The following SERPINB11 variants were observed in gnomAD, a reference collection of about 807,000 sequenced individuals.
SERPINB11 encodes serpin B11.
In SERPINB11, 32 loss-of-function variants were observed where a neutral mutation model predicts 36.7. The ratio of observed to expected loss-of-function variants is 0.87; its 90% CI spans 0.66 to 1.17. The LOEUF (loss-of-function observed/expected upper bound fraction) is 1.17, where lower values mean the gene tolerates loss of function less well. SERPINB11 is among the 50% of genes most tolerant of loss of function. SERPINB11 has a pLI of 0.00. For synonymous variants in SERPINB11, 174 were observed against 168.1 expected, an observed-to-expected ratio of 1.04 and a Z score of -0.27; for missense variants, 528 against 458.4, an observed-to-expected ratio of 1.15 and a Z score of -1.39.
In SERPINB11 at chr18:63,716,019, A is replaced by G. The variant is rs1348601186; in HGVS notation, c.358-16A>G. On this transcript the variant is annotated splice_polypyrimidine_tract_variant and intron_variant, in intron 4 of 7. Transcript: ENST00000544088. ...ACTGCTTTTGAATTGTTGTTCAATT[A>G]TCATGTCTTTCATAGCAATATTTAA... 2.6e-6 allele frequency: 4 copies of G among 1,520,124 alleles called. No homozygotes were observed. The highest frequency in any genetic ancestry group is 3.6e-6 in the Non-Finnish European group (4 of 1,100,614). 94.2% of individuals were successfully genotyped at this position (1,520,124 alleles called of 1,614,324 possible).
At chr18:63,717,229 A>G in intron 5 of SERPINB11, among the ~76,000 whole-genome samples, 1 of 152,060 alleles carries the variant, frequency 6.6e-6, no homozygotes, top group Non-Finnish European at 1.5e-5. Context: ...TTTTATTAAT[A>G]TACATTTCAT....
rs146209438 is a variant in SERPINB11, at chr18:63,723,441, C to G, written c.*42C>G. 6.5e-7 allele frequency: 1 copy of G among 1,531,180 alleles called. No individual in the cohort carries two copies. The highest frequency in any genetic ancestry group is 2.3e-5 in the East Asian group (1 of 44,088). The allele number at this position is 1,531,180 out of a possible 1,614,324, so 94.8% of individuals were successfully genotyped here. A position where few individuals can be genotyped will look rare whatever the true frequency, so the allele number is the denominator to read the frequency against. On this transcript the variant is annotated 3_prime_UTR_variant, in exon 8 of 8. Coordinates refer to ENST00000544088, the MANE Select transcript of SERPINB11 (RefSeq NM_001370475.1). ...AAGGCTCAGAGTTGCAGATGAGGTG[C>G]AGAGACAATCCTGTGACTTTCCCAC...
rs1336174729 is a variant in SERPINB11 at position 63,722,965 on chromosome 18, ATGTGGGCTTGTC to A, written c.775-25_775-14del. ...AATGTAGAGGTCGTGTGTTTGACTC[ATGTGGGCTTGTC>A]TGTGTTTTGTCTCTTAGATAGAAAA... On this transcript the variant is annotated intron_variant, in intron 7 of 7. Transcript: ENST00000544088. The A allele has an allele frequency of 6.5e-7, 1 of 1,529,188 alleles. No homozygotes were observed. The highest frequency in any genetic ancestry group is 2.3e-5 in the East Asian group (1 of 44,006). 94.7% of individuals were successfully genotyped at this position (1,529,188 alleles called of 1,614,324 possible). A position where few individuals can be genotyped will look rare whatever the true frequency, so the allele number is the denominator to read the frequency against.
chr18:63,707,211 AGGGAGT>A (rs1413400073), intron 1 of SERPINB11, among the ~76,000 whole-genome samples: 2 of 152,340 alleles, frequency 1.3e-5, no homozygotes, highest in East Asian at 3.9e-4. Context: ...GCCCAAAACA[AGGGAGT>A]GAAAGGGAAG....
chr18:63,720,009 C>A lies in SERPINB11; in HGVS notation c.476-4C>A. ...AAATATAATTATCTTATTTTTTATA[C>A]AAGGAAAAGTCGCAAATCTCTTTGG... is the stretch of plus-strand genomic sequence containing the variant. On this transcript the variant is annotated splice_region_variant and splice_polypyrimidine_tract_variant and intron_variant, in intron 5 of 7. Transcript: ENST00000544088. 1 of 1,589,096 alleles carries A rather than the reference C, an allele frequency of 6.3e-7. No individual in the cohort carries two copies. The highest frequency in any genetic ancestry group is 1.2e-5 in the South Asian group (1 of 86,420).
rs1308002164 is a variant in SERPINB11 at position 63,723,515 on chromosome 18, C to T, written c.*116C>T. 2 of 918,382 alleles carry T rather than the reference C, an allele frequency of 2.2e-6. No individual in the cohort carries two copies. The highest frequency in any genetic ancestry group is 3.3e-6 in the Non-Finnish European group (2 of 607,688). 56.9% of individuals were successfully genotyped at this position (918,382 alleles called of 1,614,324 possible). A position where few individuals can be genotyped will look rare whatever the true frequency, so the allele number is the denominator to read the frequency against. On this transcript the variant is annotated 3_prime_UTR_variant, in exon 8 of 8. Coordinates refer to ENST00000544088, the MANE Select transcript of SERPINB11 (RefSeq NM_001370475.1). ...ACACACCTCTGTGCCTCAGTTTGCTCATCTGCAAAATAGGTCTAGGATTTC... is the reference window on the plus strand; with the variant it reads ...ACACACCTCTGTGCCTCAGTTTGCTTATCTGCAAAATAGGTCTAGGATTTC...
intron 6 of SERPINB11, chr18:63,720,393 T>G: frequency 2.0e-6 from 1 of 493,234 alleles, no homozygotes; most frequent in South Asian, 2.4e-5. Context: ...AGAAAACCCA[T>G]TCTTTTCTTA....
chr18:63,710,460 C>T (rs1914493662), intron 2 of SERPINB11, 99 bp downstream of exon 2: 1 of 960,402 alleles, frequency 1.0e-6, no homozygotes, highest in Non-Finnish European at 1.5e-6. Context: ...AATAAAATTG[C>T]CATCTTGAGA....
At chr18:63,720,657 TAA>T (rs1273336815) in intron 6 of SERPINB11, 172 bp from the exon 7 acceptor site, 5 of 548,128 alleles carry the variant, frequency 9.1e-6, no homozygotes, top group African/African-American at 5.8e-5. Flanking sequence ...TATTTTAAAT[TAA>T]AAAAATGGAT....
chr18:63,710,378 A>G lies in SERPINB11; in HGVS notation c.168+17A>G. The G allele has an allele frequency of 6.3e-7, 1 of 1,599,824 alleles. No homozygotes were observed. Among genetic ancestry groups the G allele is most frequent in the Non-Finnish European group, 8.5e-7 (1 of 1,173,502 alleles). On this transcript the variant is annotated intron_variant, in intron 2 of 7. Transcript: ENST00000544088. ...TTGGAGAAGGTATGGAATTCCTCAG[A>G]GGTTTGTTCAGAACCCAGAAGTCTT...
At chr18:63,710,426 C>T in intron 2 of SERPINB11, 65 bp downstream of exon 2, 2 of 1,333,900 alleles carry the variant, frequency 1.5e-6, no homozygotes, top group Non-Finnish European at 2.0e-6. Context: ...TCTGGGTCAG[C>T]AAAATTAATT....
At chr18:63,714,726 C>T (rs976134576) in intron 4 of SERPINB11, among the ~76,000 whole-genome samples, 3 of 152,140 alleles carry the variant, frequency 2.0e-5, no homozygotes, top group African/African-American at 7.2e-5. Context: ...CGCTGTTATC[C>T]TGTTCTTTTT....
intron 1 of SERPINB11, among the ~76,000 whole-genome samples, chr18:63,708,436 A>G (rs931097441): frequency 9.9e-5 from 15 of 152,198 alleles, no homozygotes; most frequent in African/African-American, 3.4e-4. Flanking sequence ...CAGATGGGGA[A>G]TATTTCCAAA....
intron 6 of SERPINB11, 107 bp from the exon 7 acceptor site, chr18:63,720,724 A>G (rs1288456412): frequency 6.8e-6 from 5 of 733,584 alleles, no homozygotes; most frequent in Non-Finnish European, 1.1e-5. Context: ...TATTTTACCC[A>G]TGCCTTTAGA....
intron 1 of SERPINB11, among the ~76,000 whole-genome samples, chr18:63,704,875 C>A (rs961449654): frequency 2.6e-5 from 4 of 152,134 alleles, no homozygotes; most frequent in African/African-American, 9.7e-5. Context: ...TGCTGATATT[C>A]ATCATGGCAC....
At chr18:63,710,737 T>C (rs1241122425) in intron 2 of SERPINB11, among the ~76,000 whole-genome samples, 2 of 152,224 alleles carry the variant, frequency 1.3e-5, no homozygotes, top group Non-Finnish European at 2.9e-5. Context: ...GTTAAAAAAT[T>C]TTCATGATTA....
chr18:63,706,052 T>C (rs1914364075), intron 1 of SERPINB11, among the ~76,000 whole-genome samples: 1 of 152,228 alleles, frequency 6.6e-6, no homozygotes, highest in Admixed American at 6.5e-5. Context: ...CCTTCTGTTA[T>C]ATTTTTTAAA....
rs1568186338 is a variant in SERPINB11 at position 63,716,029 on chromosome 18, T to C, written c.358-6T>C. The C allele has an allele frequency of 6.3e-7, 1 of 1,575,546 alleles. No homozygotes were observed. Among genetic ancestry groups the C allele is most frequent in the Non-Finnish European group, 8.7e-7 (1 of 1,148,800 alleles). On this transcript the variant is annotated splice_polypyrimidine_tract_variant and splice_region_variant and intron_variant, in intron 4 of 7. Coordinates refer to ENST00000544088, the MANE Select transcript of SERPINB11 (RefSeq NM_001370475.1). Reference sequence around the variant, plus strand: ...AATTGTTGTTCAATTATCATGTCTTTCATAGCAATATTTAAGCTGTTCTGA... The same window carrying C: ...AATTGTTGTTCAATTATCATGTCTTCCATAGCAATATTTAAGCTGTTCTGA...
chr18:63,723,137 T>C lies in SERPINB11; in HGVS notation c.917T>C (p.Val306Ala). 6.2e-7 allele frequency: 1 copy of C among 1,610,370 alleles called. No homozygotes were observed. The highest frequency in any genetic ancestry group is 8.5e-7 in the Non-Finnish European group (1 of 1,177,986). The change falls in exon 8 of 8, where the codon GTG (valine) becomes GCG (alanine). Residue 306 changes from valine to alanine, a missense_variant. Val to Ala is a moderately conservative substitution (Grantham distance 64, BLOSUM62 0). Transcript: ENST00000544088. ...AATTCCCTGTTAAAATCTCTAGGGG[T>C]GACAGATCTCTTCAACCAGGTCAAA... ...ELNSLLKSLG[V>A]TDLFNQVKAD...
Sources: gnomAD v4.1 joint callset for allele counts (sites outside exome capture counted in the v4.1 genomes callset) on GRCh38, gnomAD v4.1.1 for gene constraint, MANE v1.5 for transcripts, NCBI Gene and HGNC (gene_info 2026-07-23, HGNC 2026-07-21) for gene names.